Variants in RAPGEF2 observed in about 807,000 individuals in gnomAD.
RAPGEF2 encodes the protein PDZ domain containing guanine nucleotide exchange factor (GEF) 1.
Under a neutral mutation model 186.7 loss-of-function variants are expected in RAPGEF2, and 54 were observed. The ratio of observed to expected loss-of-function variants is 0.29; its 90% CI spans 0.23 to 0.36. The LOEUF (loss-of-function observed/expected upper bound fraction) is 0.36, where lower values mean the gene tolerates loss of function less well. Ranked by LOEUF, RAPGEF2 falls within the 10% of genes least tolerant of loss-of-function variation. The pLI is 1.00. For synonymous variants in RAPGEF2, 712 were observed against 705.9 expected, an observed-to-expected ratio of 1.01 and a Z score of -0.14; for missense variants, 1,532 against 2,045.0, an observed-to-expected ratio of 0.75 and a Z score of 4.84.
chr4:159,203,547 C>T (rs1749667060), intron 3 of RAPGEF2, among the ~76,000 whole-genome samples: 1 of 152,114 alleles, frequency 6.6e-6, no homozygotes, highest in African/African-American at 2.4e-5. Flanking sequence ...TGATAGTTAA[C>T]CTGGAACTAG....
intron 3 of RAPGEF2, among the ~76,000 whole-genome samples, chr4:159,207,100 G>A (rs75488823): frequency 2.2e-3 from 340 of 152,300 alleles, no homozygotes; most frequent in African/African-American, 7.9e-3. Context: ...CTCTGCAAAT[G>A]CCTACTAAAG....
chr4:159,295,748 T>TGCGCGC (rs1344833740), intron 7 of RAPGEF2, among the ~76,000 whole-genome samples: 4 of 112,088 alleles, frequency 3.6e-5, no homozygotes, highest in African/African-American at 1.5e-4. Context: ...TGTGTGTGTG[T>TGCGCGC]GTGTGTGCGC....
At chr4:159,211,704 G>A (rs904278525) in intron 4 of RAPGEF2, among the ~76,000 whole-genome samples, 37 of 152,200 alleles carry the variant, frequency 2.4e-4, no homozygotes, top group African/African-American at 8.7e-4. Flanking sequence ...GCTAGTGAAG[G>A]AGTGCCAGAG....
rs1330549022 is a variant in RAPGEF2, at chr4:159,341,545, A to G, written c.2535-19A>G. On this transcript the variant is annotated intron_variant, in intron 19 of 29. Transcript: ENST00000691494. ...TTGCTGCTTAGGCTTTGACTCTGATATGTTTCTGTTTTTCATAGGTATTAT... is the reference window on the plus strand; with the variant it reads ...TTGCTGCTTAGGCTTTGACTCTGATGTGTTTCTGTTTTTCATAGGTATTAT... 2 of 1,556,850 alleles carry G rather than the reference A, an allele frequency of 1.3e-6. No homozygotes were observed. The highest frequency in any genetic ancestry group is 2.0e-5 in the Admixed American group (1 of 48,998).
At position 159,227,355 on chromosome 4, in the gene RAPGEF2, G is replaced by T. The variant is rs111658794; in HGVS notation, c.282-11454G>T. Among the ~76,000 whole-genome samples the T allele has an allele frequency of 3.4e-3, 522 of 152,278 alleles. 2 individuals carry two copies. The highest frequency in any genetic ancestry group is 0.011 in the African/African-American group (473 of 41,552). On this transcript the variant is annotated intron_variant, in intron 4 of 29. Coordinates refer to ENST00000691494, the MANE Select transcript of RAPGEF2 (RefSeq NM_001394067.2). The stretch of plus-strand genomic sequence containing the variant: ...TTGAATGAATTTTATAAAAAATAAG[G>T]TCATTTGAAGATAAGATATTAGAGC...
At chr4:159,104,322 T>G in intron 1 of RAPGEF2, 91 bp downstream of exon 1, 1 of 499,534 alleles carries the variant, frequency 2.0e-6, no homozygotes, top group Non-Finnish European at 3.3e-6. Flanking sequence ...CTGACACAGT[T>G]CGCCCCGAGC....
At chr4:159,358,041 A>G in intron 29 of RAPGEF2, 73 bp from the exon 30 acceptor site, 2 of 1,439,898 alleles carry the variant, frequency 1.4e-6, no homozygotes, top group South Asian at 2.4e-5. Context: ...CACATCAGTG[A>G]ATATATTCTC....
chr4:159,208,597 TC>T (rs1368681565), intron 3 of RAPGEF2, among the ~76,000 whole-genome samples: 2 of 152,226 alleles, frequency 1.3e-5, no homozygotes, highest in Non-Finnish European at 2.9e-5. Flanking sequence ...GTCTTGGACT[TC>T]CAGTGTTCAG....
At chr4:159,138,599 A>G (rs1372259349) in intron 1 of RAPGEF2, among the ~76,000 whole-genome samples, 1 of 152,180 alleles carries the variant, frequency 6.6e-6, no homozygotes, top group African/African-American at 2.4e-5. Context: ...TGGTAGGTTA[A>G]TTGACTCATT....
intron 1 of RAPGEF2, among the ~76,000 whole-genome samples, chr4:159,146,761 C>T (rs1429347281): frequency 6.6e-6 from 1 of 152,170 alleles, no homozygotes; most frequent in African/African-American, 2.4e-5. Context: ...ACTTAGGTTT[C>T]TTCCCTCCCA....
chr4:159,331,937 A>G lies in RAPGEF2; in HGVS notation c.1791A>G (p.Val597=), dbSNP rs1766739450. Residue 597 remains valine, a synonymous_variant, in exon 16 of 30, where the codon GTA becomes GTG. Transcript: ENST00000691494. The part of the protein sequence containing the change: ...GLKRGDQILE[V]NGQNFENIQL... ...AATTTCATTTTTAGATATTAGAAGT[A>G]AATGGCCAAAACTTTGAAAACATTC... 1 of 1,601,790 alleles carries G rather than the reference A, an allele frequency of 6.2e-7. No homozygotes were observed. The highest frequency in any genetic ancestry group is 1.4e-5 in the African/African-American group (1 of 74,024).
At chr4:159,323,011 A>G (rs1275447964) in intron 10 of RAPGEF2, among the ~76,000 whole-genome samples, 1 of 152,156 alleles carries the variant, frequency 6.6e-6, no homozygotes, top group Non-Finnish European at 1.5e-5. Context: ...CAAATCCATT[A>G]TATTTCCCAT....
rs78617024 is a variant in RAPGEF2, at chr4:159,160,050, C to G, written c.70-26592C>G. Among the ~76,000 whole-genome samples, 260 of 152,344 alleles carry G rather than the reference C, an allele frequency of 1.7e-3. 7 individuals are homozygous for G. The East Asian group carries it at 0.043, about 25-fold the overall frequency. ...TGAATTCATATTAATTGGACACTTACATAGTTGTTTTAGTCTAATGAGATT... is the reference window on the plus strand; with the variant it reads ...TGAATTCATATTAATTGGACACTTAGATAGTTGTTTTAGTCTAATGAGATT... On this transcript the variant is annotated intron_variant, in intron 1 of 29. Coordinates refer to ENST00000691494, the MANE Select transcript of RAPGEF2 (RefSeq NM_001394067.2).
intron 3 of RAPGEF2, 117 bp from the exon 4 acceptor site, chr4:159,210,383 A>G (rs1204984867): frequency 1.3e-5 from 8 of 631,008 alleles, no homozygotes; most frequent in Middle Eastern, 3.6e-4. Flanking sequence ...AATGTGTTGT[A>G]TGCTATTCTT....
At chr4:159,119,468 G>T (rs1417152054) in intron 1 of RAPGEF2, among the ~76,000 whole-genome samples, 10 of 152,172 alleles carry the variant, frequency 6.6e-5, no homozygotes, top group Non-Finnish European at 1.5e-4. Flanking sequence ...AGTACAGAAA[G>T]ATGAAGATTA....
rs1296340505 is a variant in RAPGEF2 at position 159,314,656 on chromosome 4, AGAC to A, written c.750_752del (p.Asp251del). 3 of 1,613,930 alleles carry A rather than the reference AGAC, an allele frequency of 1.9e-6. No homozygotes were observed. The highest frequency in any genetic ancestry group is 2.5e-6 in the Non-Finnish European group (3 of 1,179,974). On this transcript the variant is annotated inframe_deletion, in exon 9 of 30. Coordinates refer to ENST00000691494, the MANE Select transcript of RAPGEF2 (RefSeq NM_001394067.2). The stretch of plus-strand genomic sequence containing the variant: ...TGCCAGAAACAGCAGTGGATTCCGA[AGAC>A]GACGACGATGAAGAAGACATTGAGA...
chr4:159,218,524 G>T (rs1468236182), intron 4 of RAPGEF2, among the ~76,000 whole-genome samples: 1 of 152,160 alleles, frequency 6.6e-6, no homozygotes, highest in Non-Finnish European at 1.5e-5. Context: ...GGGAGGCTGA[G>T]GCAGGCAGAT....
At chr4:159,298,375 A>G in intron 7 of RAPGEF2, among the ~76,000 whole-genome samples, 1 of 152,196 alleles carries the variant, frequency 6.6e-6, no homozygotes, top group East Asian at 1.9e-4. Context: ...TTATGAAAGG[A>G]GCCAAAATTA....
chr4:159,294,519 G>C (rs757486514), intron 7 of RAPGEF2, among the ~76,000 whole-genome samples: 40 of 152,252 alleles, frequency 2.6e-4, no homozygotes, highest in Admixed American at 5.2e-4. Flanking sequence ...ATATTAATTA[G>C]TATTACAGTC....
Sources: allele counts gnomAD v4.1 joint callset (sites outside exome capture counted in the v4.1 genomes callset), GRCh38; gene constraint gnomAD v4.1.1; transcripts MANE v1.5; gene names NCBI Gene and HGNC (gene_info 2026-07-23, HGNC 2026-07-21).